The following PPARGC1A variants were observed in gnomAD, a reference collection of about 807,000 sequenced individuals.
PPARGC1A encodes the protein PPARG coactivator 1 alpha, also known as peroxisome proliferator-activated receptor gamma coactivator 1-alpha.
In PPARGC1A, 25 loss-of-function variants were observed where a neutral mutation model predicts 88.7. That is an observed-to-expected ratio of 0.28 (90% confidence interval 0.21 to 0.39). PPARGC1A has a LOEUF of 0.39. Among genes scored for constraint, PPARGC1A ranks in the 10% least tolerant of loss-of-function variants. The probability of loss-of-function intolerance (pLI) is 1.00; values close to 1 mark genes in which losing one functional copy is unlikely to be tolerated. For missense variants in PPARGC1A, 880 were observed against 968.7 expected, an observed-to-expected ratio of 0.91 and a Z score of 1.22; for synonymous variants, 363 against 355.6, an observed-to-expected ratio of 1.02 and a Z score of -0.24.
chr4:23,894,539 A>G (rs527390654), upstream of PPARGC1A, among the ~76,000 whole-genome samples: 5 of 152,252 alleles, frequency 3.3e-5, no homozygotes, highest in African/African-American at 1.2e-4. Context: ...AGACAGCTTG[A>G]ATGTCTCCTA....
the PPARGC1A span, among the ~76,000 whole-genome samples, chr4:24,195,474 A>G: frequency 6.6e-6 from 1 of 152,218 alleles, no homozygotes; most frequent in Admixed American, 6.5e-5. Flanking sequence ...CATATTGTAC[A>G]TACTCCTTGA....
At chr4:24,195,407 T>G in the PPARGC1A span, among the ~76,000 whole-genome samples, 1 of 152,230 alleles carries the variant, frequency 6.6e-6, no homozygotes, top group Non-Finnish European at 1.5e-5. Context: ...AAGTTCTCAC[T>G]GCAAAGGTGA....
At chr4:23,900,009 G>C (rs998796546), upstream of PPARGC1A, among the ~76,000 whole-genome samples, 1 of 59,392 alleles carries the variant, frequency 1.7e-5, no homozygotes, top group East Asian at 2.6e-4. Flanking sequence ...TTTGCTGCCT[G>C]TCCAAAAAAA....
At chr4:23,980,027 G>T in the PPARGC1A span, among the ~76,000 whole-genome samples, 1 of 151,858 alleles carries the variant, frequency 6.6e-6, no homozygotes, top group Admixed American at 6.6e-5. Flanking sequence ...ATTTCCTTCC[G>T]GTTGGCTCCT....
the PPARGC1A span, among the ~76,000 whole-genome samples, chr4:24,126,180 G>A: frequency 2.8e-4 from 42 of 151,838 alleles, no homozygotes; most frequent in South Asian, 6.3e-4. Context: ...GATGCCAAAC[G>A]CGCATTATTT....
At chr4:23,929,084 T>C in the PPARGC1A span, among the ~76,000 whole-genome samples, 1 of 152,092 alleles carries the variant, frequency 6.6e-6, no homozygotes, top group African/African-American at 2.4e-5. Context: ...GGCACACGTT[T>C]ACCTATGTAA....
the PPARGC1A span, among the ~76,000 whole-genome samples, chr4:24,429,867 T>A: frequency 6.6e-6 from 1 of 152,002 alleles, no homozygotes; most frequent in African/African-American, 2.4e-5. Flanking sequence ...GTCAGGCTGG[T>A]CTCAAACTCC....
chr4:23,983,523 C>T, the PPARGC1A span, among the ~76,000 whole-genome samples: 1 of 152,130 alleles, frequency 6.6e-6, no homozygotes, highest in African/African-American at 2.4e-5. Context: ...CATCCACTTT[C>T]ATACAAGGAA....
chr4:24,290,808 C>A, the PPARGC1A span, among the ~76,000 whole-genome samples: 16 of 152,272 alleles, frequency 1.1e-4, no homozygotes, highest in African/African-American at 3.4e-4. Flanking sequence ...TCACTTCTGA[C>A]TCGATTTGGT....
At chr4:24,095,291 A>T in the PPARGC1A span, among the ~76,000 whole-genome samples, 5 of 151,728 alleles carry the variant, frequency 3.3e-5, no homozygotes, top group Non-Finnish European at 7.4e-5. Flanking sequence ...TAATTTTTGT[A>T]TTTTTAGCAA....
the PPARGC1A span, among the ~76,000 whole-genome samples, chr4:24,207,469 T>A: frequency 6.6e-6 from 1 of 152,170 alleles, no homozygotes; most frequent in African/African-American, 2.4e-5. Flanking sequence ...ATGGTGGAAA[T>A]TTTCCCCCTT....
chr4:24,099,361 C>T, the PPARGC1A span, among the ~76,000 whole-genome samples: 1 of 149,662 alleles, frequency 6.7e-6, no homozygotes, highest in African/African-American at 2.5e-5. Flanking sequence ...ATTTTAAAAC[C>T]TTTTCTGTCA....
the PPARGC1A span, among the ~76,000 whole-genome samples, chr4:24,190,054 G>C: frequency 2.6e-5 from 4 of 152,146 alleles, no homozygotes; most frequent in Non-Finnish European, 4.4e-5. Flanking sequence ...GCATGATGCT[G>C]TGACATGCTT....
At chr4:23,848,406 C>G (rs537440579) in intron 2 of PPARGC1A, among the ~76,000 whole-genome samples, 1 of 152,086 alleles carries the variant, frequency 6.6e-6, no homozygotes, top group Non-Finnish European at 1.5e-5. Context: ...TCGAGCTAAC[C>G]CTCTCCCAGA....
At chr4:24,101,528 T>C in the PPARGC1A span, among the ~76,000 whole-genome samples, 1 of 152,230 alleles carries the variant, frequency 6.6e-6, no homozygotes, top group African/African-American at 2.4e-5. Flanking sequence ...TTACCCTAAT[T>C]ACCCTGCTTT....
rs1358821911 is a variant in PPARGC1A at position 23,824,269 on chromosome 4, A to G, written c.877+11T>C. ...GACACACACAAGTTCTAAGTGAAAT[A>G]TAAGGCTTACCTGCAGTTCCAGAGA... On this transcript the variant is annotated intron_variant, in intron 7 of 12. Coordinates refer to ENST00000264867, the MANE Select transcript of PPARGC1A (RefSeq NM_013261.5). 9 of 1,608,364 alleles carry G rather than the reference A, an allele frequency of 5.6e-6. No homozygotes were observed. The highest frequency in any genetic ancestry group is 7.7e-6 in the Non-Finnish European group (9 of 1,175,130).
At chr4:24,385,880 T>C in the PPARGC1A span, among the ~76,000 whole-genome samples, 1 of 152,220 alleles carries the variant, frequency 6.6e-6, no homozygotes, top group Admixed American at 6.5e-5. Flanking sequence ...GACTCCTCCC[T>C]AACACATTTT....
chr4:24,351,212 C>T, the PPARGC1A span, among the ~76,000 whole-genome samples: 2 of 134,478 alleles, frequency 1.5e-5, no homozygotes, highest in African/African-American at 2.8e-5. Flanking sequence ...GCCTGAGTGA[C>T]AGAGCAAACC....
the PPARGC1A span, among the ~76,000 whole-genome samples, chr4:24,361,763 G>A: frequency 6.6e-6 from 1 of 152,192 alleles, no homozygotes; most frequent in Non-Finnish European, 1.5e-5. Flanking sequence ...CGTATCCCAC[G>A]TTACAATGTC....
Sources: gnomAD v4.1 joint callset for allele counts (sites outside exome capture counted in the v4.1 genomes callset) on GRCh38, gnomAD v4.1.1 for gene constraint, MANE v1.5 for transcripts, NCBI Gene and HGNC (gene_info 2026-07-23, HGNC 2026-07-21) for gene names.